Variants in CWC27 observed in about 807,000 individuals in gnomAD.
CWC27 encodes the protein CWC27 spliceosome associated cyclophilin.
CWC27 carries 47 observed loss-of-function variants against 63.6 expected under a neutral mutation model. The ratio of observed to expected loss-of-function variants is 0.74; its 90% CI spans 0.58 to 0.94. The LOEUF is 0.94. CWC27 is among the 40% of genes least tolerant of loss of function. The pLI is 0.00. For missense variants in CWC27, 495 were observed against 554.3 expected (o/e 0.89, Z 1.07); for synonymous variants, 175 against 179.8 (o/e 0.97, Z 0.22).
chr5:65,000,691 A>G lies in CWC27; in HGVS notation c.1257-17468A>G, dbSNP rs114109124. Among the ~76,000 whole-genome samples the G allele has an allele frequency of 9.6e-3, 1,464 of 151,934 alleles. 22 individuals are homozygous for G. The highest frequency in any genetic ancestry group is 0.034 in the African/African-American group (1,395 of 41,496). On this transcript the variant is annotated intron_variant, in intron 13 of 13. Transcript: ENST00000381070. ...TTCTGTTCCATTGGTCTGTGTGTCT[A>G]TTTTTATAACAACACCATGCTCTTT...
At chr5:64,895,697 A>G (rs1416011827) in intron 11 of CWC27, among the ~76,000 whole-genome samples, 1 of 152,208 alleles carries the variant, frequency 6.6e-6, no homozygotes, top group Non-Finnish European at 1.5e-5. Context: ...AAGTGTGTGT[A>G]ATATATTTCA....
intron 10 of CWC27, among the ~76,000 whole-genome samples, chr5:64,853,631 G>GT (rs1746188535): frequency 6.6e-6 from 1 of 152,132 alleles, no homozygotes; most frequent in African/African-American, 2.4e-5. Context: ...TTGGCTTCGG[G>GT]TGAAGTCCTC....
chr5:64,939,736 G>A (rs1189823200), intron 11 of CWC27, among the ~76,000 whole-genome samples: 2 of 152,210 alleles, frequency 1.3e-5, no homozygotes, highest in African/African-American at 4.8e-5. Flanking sequence ...TCCCTCAGGT[G>A]CTCTGTCCCA....
intron 13 of CWC27, among the ~76,000 whole-genome samples, chr5:64,984,174 A>T (rs942615663): frequency 6.6e-6 from 1 of 152,150 alleles, no homozygotes; most frequent in Non-Finnish European, 1.5e-5. Flanking sequence ...AGCCTCTTCA[A>T]TTCACAAAAT....
At chr5:64,911,634 A>G (rs1747787155) in intron 11 of CWC27, among the ~76,000 whole-genome samples, 1 of 152,174 alleles carries the variant, frequency 6.6e-6, no homozygotes, top group Non-Finnish European at 1.5e-5. Context: ...TGAGTCTAAA[A>G]GGTACTGTGG....
chr5:64,886,073 T>C (rs1747067207), intron 11 of CWC27, among the ~76,000 whole-genome samples: 2 of 152,168 alleles, frequency 1.3e-5, no homozygotes, highest in Non-Finnish European at 2.9e-5. Flanking sequence ...TGTTTGTTTT[T>C]TGTTTTTACT....
At chr5:64,873,142 T>A (rs1435198252) in intron 10 of CWC27, among the ~76,000 whole-genome samples, 1 of 152,116 alleles carries the variant, frequency 6.6e-6, no homozygotes, top group Non-Finnish European at 1.5e-5. Context: ...ACACGGAAGG[T>A]GTACAAAAGG....
intron 11 of CWC27, among the ~76,000 whole-genome samples, chr5:64,965,368 C>T (rs1205002773): frequency 2.0e-5 from 3 of 152,166 alleles, no homozygotes; most frequent in African/African-American, 7.2e-5. Flanking sequence ...CCTTTGGAAA[C>T]CAAAAGCTGC....
At chr5:64,858,448 T>C (rs1030805711) in intron 10 of CWC27, among the ~76,000 whole-genome samples, 2 of 144,868 alleles carry the variant, frequency 1.4e-5, no homozygotes, top group African/African-American at 2.6e-5. Context: ...GGTGACAGAG[T>C]GAGACTCCAT....
At chr5:64,815,094 G>T (rs1030524442) in intron 10 of CWC27, among the ~76,000 whole-genome samples, 1 of 152,156 alleles carries the variant, frequency 6.6e-6, no homozygotes, top group African/African-American at 2.4e-5. Flanking sequence ...CCTCTCCTCA[G>T]ATATTTTTGC....
chr5:64,979,414 T>A (rs558408882), intron 13 of CWC27, among the ~76,000 whole-genome samples: 1 of 152,326 alleles, frequency 6.6e-6, no homozygotes, highest in Non-Finnish European at 1.5e-5. Flanking sequence ...CAGAATCAGA[T>A]AGCATATATA....
At position 64,971,684 on chromosome 5, in the gene CWC27, A is replaced by G. The variant is rs1231041644; in HGVS notation, c.1043-19A>G. 1.3e-6 allele frequency: 2 copies of G among 1,543,176 alleles called. No homozygotes were observed. Among genetic ancestry groups the G allele is most frequent in the South Asian group, 1.2e-5 (1 of 81,192 alleles). ...AGCTATTTTACTGCTTATTCTAAAA[A>G]TATTCTACTATTCTTTAGAGGAAGA... On this transcript the variant is annotated intron_variant, in intron 11 of 13. Coordinates refer to ENST00000381070, the MANE Select transcript of CWC27 (RefSeq NM_005869.4).
At chr5:64,859,712 T>G (rs1746353114) in intron 10 of CWC27, among the ~76,000 whole-genome samples, 1 of 152,170 alleles carries the variant, frequency 6.6e-6, no homozygotes. Flanking sequence ...AGGTACTGTG[T>G]GTGCAGCAGC....
chr5:64,843,841 T>A (rs1485989757), intron 10 of CWC27, among the ~76,000 whole-genome samples: 1 of 152,210 alleles, frequency 6.6e-6, no homozygotes, highest in Non-Finnish European at 1.5e-5. Context: ...ATGTACAGGG[T>A]CTGGTGCCTA....
At chr5:64,796,002 CGTGTGTGTGTGTGTGTGTGTGTGTGT>C (rs56699605) in intron 7 of CWC27, among the ~76,000 whole-genome samples, 1 of 135,772 alleles carries the variant, frequency 7.4e-6, no homozygotes, top group Non-Finnish European at 1.6e-5. Flanking sequence ...AGAAATTGTG[CGTGTGTGTGTGTGTGTGTGTGTGTGT>C]GTGTGTGTGT....
intron 10 of CWC27, among the ~76,000 whole-genome samples, chr5:64,810,717 A>G (rs546732210): frequency 1.3e-5 from 2 of 152,210 alleles, no homozygotes; most frequent in Non-Finnish European, 2.9e-5. Context: ...AAAGCTCTGT[A>G]GATATTCTAA....
Position 64,800,349 on chromosome 5 carries a change from T to C in CWC27, c.749+22T>C, listed in dbSNP as rs369819740. Reference sequence around the variant, plus strand: ...AAAGGTTAGTCCATTGTTGGTATGATCCTAAGTTCTTAATTTTCTGGCTCA... The same window carrying C: ...AAAGGTTAGTCCATTGTTGGTATGACCCTAAGTTCTTAATTTTCTGGCTCA... On this transcript the variant is annotated intron_variant, in intron 8 of 13. Transcript: ENST00000381070. 10 of 1,519,610 alleles carry C rather than the reference T, an allele frequency of 6.6e-6. No individual in the cohort carries two copies. The African/African-American group carries it at 1.4e-4, about 21-fold the overall frequency. The allele number at this position is 1,519,610 out of a possible 1,614,324, so 94.1% of individuals were successfully genotyped here. A position where few individuals can be genotyped will look rare whatever the true frequency, so the allele number is the denominator to read the frequency against.
chr5:64,887,568 A>G (rs1747106783), intron 11 of CWC27, among the ~76,000 whole-genome samples: 1 of 152,106 alleles, frequency 6.6e-6, no homozygotes, highest in African/African-American at 2.4e-5. Flanking sequence ...GGGTTTCACC[A>G]TGTTGATCAG....
intron 10 of CWC27, among the ~76,000 whole-genome samples, chr5:64,851,192 G>T (rs1271104572): frequency 1.3e-5 from 2 of 152,166 alleles, no homozygotes; most frequent in African/African-American, 4.8e-5. Context: ...GTGGTGTATT[G>T]TGTATGCACA....
Sources: gnomAD v4.1 joint callset for allele counts (sites outside exome capture counted in the v4.1 genomes callset) on GRCh38, gnomAD v4.1.1 for gene constraint, MANE v1.5 for transcripts, NCBI Gene and HGNC (gene_info 2026-07-23, HGNC 2026-07-21) for gene names.